Variants in STAU2 observed in about 807,000 individuals in gnomAD.
STAU2 encodes the protein double-stranded RNA-binding protein Staufen homolog 2.
Under a neutral mutation model 65.9 loss-of-function variants are expected in STAU2, and 20 were observed. The ratio of observed to expected loss-of-function variants is 0.30; its 90% CI spans 0.21 to 0.44. STAU2 has a LOEUF of 0.44. Ranked by LOEUF, STAU2 falls within the 20% of genes least tolerant of loss-of-function variation. STAU2 has a pLI of 1.00. For synonymous variants in STAU2, 232 were observed against 233.9 expected (o/e 0.99, Z 0.07); for missense variants, 558 against 683.9 (o/e 0.82, Z 2.05).
At chr8:73,601,670 A>C (rs1037515104) in intron 10 of STAU2, among the ~76,000 whole-genome samples, 3 of 152,204 alleles carry the variant, frequency 2.0e-5, no homozygotes, top group African/African-American at 7.2e-5. Context: ...AACAATATGA[A>C]TTCAGTGCGA....
chr8:73,687,337 T>TTTATATTTATATTTATAAATATAAA (rs1563506804), intron 5 of STAU2, among the ~76,000 whole-genome samples: 47,734 of 100,126 alleles, frequency 0.48, 13,319 homozygotes, highest in Non-Finnish European at 0.59. Flanking sequence ...ATAAATATAA[T>TTTATATTTATATTTATAAATATAAA]TTATATTTAT....
intron 6 of STAU2, among the ~76,000 whole-genome samples, chr8:73,638,653 T>C (rs1039682995): frequency 6.6e-6 from 1 of 152,064 alleles, no homozygotes; most frequent in Non-Finnish European, 1.5e-5. Flanking sequence ...CATGCTTACC[T>C]GTTTTTAAAA....
At chr8:73,607,353 A>G (rs1812094553) in intron 9 of STAU2, among the ~76,000 whole-genome samples, 1 of 152,214 alleles carries the variant, frequency 6.6e-6, no homozygotes, top group Non-Finnish European at 1.5e-5. Context: ...GTTGGGCAGT[A>G]GGTCTTTCTC....
Position 73,563,004 on chromosome 8 carries a change from T to C in STAU2, c.1223-10685A>G, listed in dbSNP as rs571802253. Reference sequence around the variant, plus strand: ...AAGTACTTATCCAATTTTTAAATTTTCTTGTAAAAATAACAAATTCACTTT... The same window carrying C: ...AAGTACTTATCCAATTTTTAAATTTCCTTGTAAAAATAACAAATTCACTTT... On this transcript the variant is annotated intron_variant, in intron 12 of 14. Coordinates refer to ENST00000524300, the MANE Select transcript of STAU2 (RefSeq NM_001164380.2). Among the ~76,000 whole-genome samples, 94 of 152,194 alleles carry C rather than the reference T, an allele frequency of 6.2e-4. No homozygotes were observed. In the South Asian group the frequency reaches 0.018, roughly 30 times the overall value.
At chr8:73,699,437 A>C (rs945250238) in intron 4 of STAU2, among the ~76,000 whole-genome samples, 1 of 152,104 alleles carries the variant, frequency 6.6e-6, no homozygotes, top group African/African-American at 2.4e-5. Context: ...CAGACTAAGA[A>C]AAAAAGAAAG....
chr8:73,612,560 T>A (rs1586121419), intron 9 of STAU2, among the ~76,000 whole-genome samples: 1 of 152,302 alleles, frequency 6.6e-6, no homozygotes, highest in East Asian at 1.9e-4. Context: ...TTAGTCTACC[T>A]TACATATAAC....
At chr8:73,523,348 T>C (rs1397914332) in intron 13 of STAU2, among the ~76,000 whole-genome samples, 1 of 151,940 alleles carries the variant, frequency 6.6e-6, no homozygotes, top group Non-Finnish European at 1.5e-5. Context: ...GGCAAGAGGA[T>C]GGCATCCACA....
At chr8:73,458,279 TG>T (rs986878115) in intron 13 of STAU2, among the ~76,000 whole-genome samples, 2 of 152,216 alleles carry the variant, frequency 1.3e-5, no homozygotes, top group Admixed American at 1.3e-4. Context: ...TTCATGATAA[TG>T]GATTTGAATC....
At chr8:73,439,923 C>A (rs1266256431) in intron 13 of STAU2, 1 of 152,280 alleles carries the variant, frequency 6.6e-6, no homozygotes, top group Non-Finnish European at 1.5e-5. Flanking sequence ...TATCATCCCA[C>A]CTCAGTCCAG....
chr8:73,742,269 A>G, intron 1 of STAU2: 1 of 984,356 alleles, frequency 1.0e-6, no homozygotes, highest in Non-Finnish European at 1.2e-6. Flanking sequence ...GTGGTGGCTC[A>G]CGCCTGTAAT....
chr8:73,539,388 T>C lies in STAU2; in HGVS notation c.1530+12624A>G, dbSNP rs377632580. ...ATTTGAGCATGTAAAGGAAAATACA[T>C]CTGCAATTAATGAATGGATATAAAA... On this transcript the variant is annotated intron_variant, in intron 13 of 14. Coordinates refer to ENST00000524300, the MANE Select transcript of STAU2 (RefSeq NM_001164380.2). Among the ~76,000 whole-genome samples, 4 of 152,262 alleles carry C rather than the reference T, an allele frequency of 2.6e-5. No homozygotes were observed. The South Asian group carries it at 8.3e-4, about 32-fold the overall frequency.
At chr8:73,437,274 G>A (rs1334329490) in intron 13 of STAU2, among the ~76,000 whole-genome samples, 1 of 152,198 alleles carries the variant, frequency 6.6e-6, no homozygotes, top group Non-Finnish European at 1.5e-5. Flanking sequence ...CAAGTAGCCA[G>A]GATTATACAG....
intron 11 of STAU2, among the ~76,000 whole-genome samples, chr8:73,583,890 T>G (rs1427387241): frequency 6.6e-6 from 1 of 152,198 alleles, no homozygotes; most frequent in African/African-American, 2.4e-5. Flanking sequence ...ATTATCTTTC[T>G]GTACAGCTGG....
At chr8:73,572,915 G>GAGAAAGAA (rs145492288) in intron 12 of STAU2, among the ~76,000 whole-genome samples, 1 of 151,956 alleles carries the variant, frequency 6.6e-6, no homozygotes, top group South Asian at 2.1e-4. Flanking sequence ...AGGCAGGAGA[G>GAGAAAGAA]AGAAAGAAAG....
intron 13 of STAU2, among the ~76,000 whole-genome samples, chr8:73,483,992 C>T (rs1432610270): frequency 5.9e-5 from 9 of 152,140 alleles, no homozygotes; most frequent in South Asian, 4.1e-4. Flanking sequence ...AGCATTTTCA[C>T]GAGGCAAAGA....
Position 73,698,037 on chromosome 8 carries a change from G to A in STAU2, c.115-9224C>T, listed in dbSNP as rs150679182. Among the ~76,000 whole-genome samples the A allele has an allele frequency of 5.7e-3, 865 of 152,050 alleles. 5 individuals carry two copies. The highest frequency in any genetic ancestry group is 9.4e-3 in the Non-Finnish European group (637 of 67,984). ...AGAGATTGCAGTGAGCCAAGATCACGCCACTGTACTCCAGCCTGAGAGACA... is the reference window on the plus strand; with the variant it reads ...AGAGATTGCAGTGAGCCAAGATCACACCACTGTACTCCAGCCTGAGAGACA... On this transcript the variant is annotated intron_variant, in intron 4 of 14. Transcript: ENST00000524300.
chr8:73,747,180 G>C (rs965645715), upstream of STAU2: 1 of 544,086 alleles, frequency 1.8e-6, no homozygotes, highest in South Asian at 2.7e-5. Context: ...TTCCCGGGGG[G>C]CTTGGGCACG....
chr8:73,555,700 G>C (rs1002071788), intron 12 of STAU2, among the ~76,000 whole-genome samples: 1 of 152,148 alleles, frequency 6.6e-6, no homozygotes, highest in African/African-American at 2.4e-5. Flanking sequence ...GAAGATTTAA[G>C]TATACTGGAA....
chr8:73,700,192 T>A (rs536266156), intron 4 of STAU2, among the ~76,000 whole-genome samples: 7 of 152,254 alleles, frequency 4.6e-5, no homozygotes, highest in African/African-American at 1.2e-4. Flanking sequence ...AAGCCATATA[T>A]GACAGATCCA....
Sources: gnomAD v4.1 joint callset for allele counts (sites outside exome capture counted in the v4.1 genomes callset) on GRCh38, gnomAD v4.1.1 for gene constraint, MANE v1.5 for transcripts, NCBI Gene and HGNC (gene_info 2026-07-23, HGNC 2026-07-21) for gene names.